The following UIMC1 variants were observed in gnomAD, a reference collection of about 807,000 sequenced individuals.
The protein encoded by UIMC1 is BRCA1-A complex subunit RAP80.
In UIMC1, 42 loss-of-function variants were observed where a neutral mutation model predicts 84.9. The ratio of observed to expected loss-of-function variants is 0.49; its 90% CI spans 0.39 to 0.64. The LOEUF (loss-of-function observed/expected upper bound fraction) is 0.64, where lower values mean the gene tolerates loss of function less well. Among genes scored for constraint, UIMC1 ranks in the 30% least tolerant of loss-of-function variants. The pLI is 0.00. For missense variants in UIMC1, 825 were observed against 847.6 expected (o/e 0.97, Z 0.33); for synonymous variants, 281 against 293.0 (o/e 0.96, Z 0.42).
intron 9 of UIMC1, among the ~76,000 whole-genome samples, chr5:176,950,592 G>A (rs562453741): frequency 4.6e-5 from 7 of 151,762 alleles, no homozygotes; most frequent in South Asian, 2.1e-4. Flanking sequence ...ACTGAGGACC[G>A]GGCGCGGTGG....
intron 10 of UIMC1, among the ~76,000 whole-genome samples, chr5:176,924,936 C>A (rs1041178868): frequency 1.3e-5 from 2 of 148,984 alleles, no homozygotes; most frequent in Non-Finnish European, 3.0e-5. Context: ...GAGGCTGAGG[C>A]AGGAGAATCG....
rs376688998 is a variant in UIMC1 at position 176,975,424 on chromosome 5, T to C, written c.204A>G (p.Ala68=). ...QKTKTKQSNR[A]KCLAKRKIAQ... ...CGATTTTTCTTTTGGCCAAACACTT[T>C]GCTCTATTCGACTGTTTTGTCTTCG... The change falls in exon 3 of 15, where the codon GCA becomes GCG. Residue 68 remains alanine, a synonymous_variant. Transcript: ENST00000511320. 2.4e-5 allele frequency: 39 copies of C among 1,613,884 alleles called. No individual in the cohort carries two copies. The highest frequency in any genetic ancestry group is 3.3e-5 in the Non-Finnish European group (39 of 1,179,970).
At chr5:176,926,062 C>T (rs966461539) in intron 10 of UIMC1, among the ~76,000 whole-genome samples, 3 of 152,048 alleles carry the variant, frequency 2.0e-5, no homozygotes, top group Admixed American at 2.0e-4. Flanking sequence ...TAATAAGATT[C>T]TTCTAACTTT....
intron 3 of UIMC1, among the ~76,000 whole-genome samples, chr5:176,973,571 C>A (rs368774477): frequency 6.7e-6 from 1 of 148,238 alleles, no homozygotes; most frequent in South Asian, 2.1e-4. Context: ...CAAAGTGAGA[C>A]CCTGTCTCAA....
intron 1 of UIMC1, among the ~76,000 whole-genome samples, chr5:177,005,358 A>C (rs1189278149): frequency 6.6e-6 from 1 of 152,150 alleles, no homozygotes; most frequent in Non-Finnish European, 1.5e-5. Context: ...TATAGGAGTG[A>C]GCCACCAGGC....
In UIMC1 at chr5:176,905,123, G is replaced by A; in HGVS notation, c.*159C>T. On this transcript the variant is annotated 3_prime_UTR_variant, in exon 15 of 15. Coordinates refer to ENST00000511320, the MANE Select transcript of UIMC1 (RefSeq NM_001199298.2). ...AACAGAATACACAGTTGTCTGCATA[G>A]ATCATAAAAAACATAAAAACCAGAA... is the stretch of plus-strand genomic sequence containing the variant. 1.5e-6 allele frequency: 1 copy of A among 662,728 alleles called. No individual in the cohort carries two copies. The highest frequency in any genetic ancestry group is 2.5e-6 in the Non-Finnish European group (1 of 394,154). 41.1% of individuals were successfully genotyped at this position (662,728 alleles called of 1,614,324 possible).
intron 1 of UIMC1, among the ~76,000 whole-genome samples, chr5:176,990,895 C>A (rs1041787248): frequency 3.9e-5 from 6 of 152,042 alleles, no homozygotes; most frequent in African/African-American, 1.2e-4. Context: ...TGGTCTTGAA[C>A]TCCTGGCCTC....
rs1341266221 is a variant in UIMC1 at position 176,960,578 on chromosome 5, TA to T, written c.1201-2425del. Among the ~76,000 whole-genome samples, 122 of 85,402 alleles carry T rather than the reference TA, an allele frequency of 1.4e-3. 13 individuals carry two copies. The highest frequency in any genetic ancestry group is 1.8e-3 in the Non-Finnish European group (86 of 46,728). The allele number at this position is 85,402 out of a possible 152,430, so 56.0% of individuals were successfully genotyped here. A position where few individuals can be genotyped will look rare whatever the true frequency, so the allele number is the denominator to read the frequency against. ...GGAAGGGATGGTTTGCATTGAATCTTAAAAAAAAAAAAAAATTCAGCCCTCT... is the reference window on the plus strand; with the variant it reads ...GGAAGGGATGGTTTGCATTGAATCTTAAAAAAAAAAAAAATTCAGCCCTCT... On this transcript the variant is annotated intron_variant, in intron 6 of 14. Transcript: ENST00000511320.
At chr5:176,981,763 A>G (rs1360480988) in intron 2 of UIMC1, among the ~76,000 whole-genome samples, 1 of 152,040 alleles carries the variant, frequency 6.6e-6, no homozygotes, top group Non-Finnish European at 1.5e-5. Context: ...ACTCCAGCCT[A>G]GGTGACAGAG....
intron 1 of UIMC1, among the ~76,000 whole-genome samples, chr5:176,988,443 T>A (rs963889303): frequency 6.6e-6 from 1 of 152,160 alleles, no homozygotes; most frequent in Non-Finnish European, 1.5e-5. Flanking sequence ...TGTATGATTC[T>A]ATTTATAAGA....
At chr5:176,934,201 C>A (rs886463562) in intron 10 of UIMC1, among the ~76,000 whole-genome samples, 3 of 151,980 alleles carry the variant, frequency 2.0e-5, no homozygotes, top group Admixed American at 6.6e-5. Context: ...AGGTGAACCA[C>A]TATAAAAAGC....
At chr5:176,907,491 T>C (rs1759545840) in intron 12 of UIMC1, among the ~76,000 whole-genome samples, 1 of 152,160 alleles carries the variant, frequency 6.6e-6, no homozygotes, top group South Asian at 2.1e-4. Context: ...TAACTCCAAA[T>C]CTCCGCCTCA....
At chr5:176,998,947 T>G (rs1052343805) in intron 1 of UIMC1, among the ~76,000 whole-genome samples, 2 of 152,116 alleles carry the variant, frequency 1.3e-5, no homozygotes, top group Non-Finnish European at 2.9e-5. Flanking sequence ...TCCAGCACTC[T>G]GGGTGGCCAA....
At chr5:176,907,205 G>A in intron 12 of UIMC1, 28 bp from the exon 13 acceptor site, 1 of 1,597,696 alleles carries the variant, frequency 6.3e-7, no homozygotes, top group Non-Finnish European at 8.6e-7. Context: ...AGATGAAAAG[G>A]TTACTTCATG....
intron 2 of UIMC1, among the ~76,000 whole-genome samples, chr5:176,979,770 T>C (rs1770731447): frequency 6.6e-6 from 1 of 152,198 alleles, no homozygotes. Context: ...ATGACATATG[T>C]GCTGCTATAG....
chr5:176,947,820 GA>G (rs751545705), intron 9 of UIMC1, among the ~76,000 whole-genome samples: 1,659 of 113,108 alleles, frequency 0.015, 7 homozygotes, highest in South Asian at 0.035. Flanking sequence ...CATCTCAAAA[GA>G]AAAAAAAAAA....
At chr5:176,964,421 T>C (rs1767987885) in intron 6 of UIMC1, among the ~76,000 whole-genome samples, 1 of 152,238 alleles carries the variant, frequency 6.6e-6, no homozygotes, top group Non-Finnish European at 1.5e-5. Flanking sequence ...ATATCAAGTC[T>C]TTATGTTCAT....
At chr5:176,955,807 G>A (rs1766524079) in intron 8 of UIMC1, 152 bp downstream of exon 8, 1 of 593,520 alleles carries the variant, frequency 1.7e-6, no homozygotes, top group Non-Finnish European at 2.9e-6. Flanking sequence ...ACCTATATGT[G>A]TATACGCATA....
intron 1 of UIMC1, among the ~76,000 whole-genome samples, chr5:176,984,040 C>T (rs1771518921): frequency 9.0e-6 from 1 of 111,586 alleles, no homozygotes. Context: ...CCCGGCCGCC[C>T]CGTCTGGGAA....
Sources: allele counts gnomAD v4.1 joint callset (sites outside exome capture counted in the v4.1 genomes callset), GRCh38; gene constraint gnomAD v4.1.1; transcripts MANE v1.5; gene names NCBI Gene and HGNC (gene_info 2026-07-23, HGNC 2026-07-21).